The following SGCZ variants were observed in gnomAD, a reference collection of about 807,000 sequenced individuals.
SGCZ encodes zeta-sarcoglycan.
A neutral mutation model predicts 41.3 loss-of-function variants in SGCZ; 40 were observed. The ratio of observed to expected loss-of-function variants is 0.97; its 90% confidence interval spans 0.75 to 1.26. The LOEUF (loss-of-function observed/expected upper bound fraction) is 1.26. Among genes scored for constraint, SGCZ ranks in the 50% most tolerant of loss-of-function variants. The probability of loss-of-function intolerance (pLI) is 0.00; values close to 1 mark genes in which losing one functional copy is unlikely to be tolerated. For missense variants in SGCZ, 552 were observed against 369.8 expected (o/e 1.49, Z -4.04); for synonymous variants, 206 against 137.5 (o/e 1.50, Z -3.49).
chr8:14,127,162 TAA>T (rs1318286169), intron 5 of SGCZ, among the ~76,000 whole-genome samples: 1 of 150,324 alleles, frequency 6.7e-6, no homozygotes, highest in Non-Finnish European at 1.5e-5. Flanking sequence ...TAAAGTAAGA[TAA>T]AATTAAAATA....
At chr8:14,467,422 G>A (rs1392870667) in intron 2 of SGCZ, among the ~76,000 whole-genome samples, 2 of 151,944 alleles carry the variant, frequency 1.3e-5, no homozygotes, top group Non-Finnish European at 2.9e-5. Flanking sequence ...TCACCAATCT[G>A]AGCACAAATC....
intron 1 of SGCZ, among the ~76,000 whole-genome samples, chr8:15,005,072 G>T (rs1802556556): frequency 6.6e-6 from 1 of 152,120 alleles, no homozygotes; most frequent in Non-Finnish European, 1.5e-5. Flanking sequence ...CACACGGTGC[G>T]CTAGATGGCA....
intron 1 of SGCZ, among the ~76,000 whole-genome samples, chr8:15,041,210 G>A (rs1026700437): frequency 2.0e-5 from 3 of 151,028 alleles, no homozygotes; most frequent in South Asian, 2.1e-4. Flanking sequence ...ATGATCTGGC[G>A]CCATAAGAAA....
At chr8:14,689,162 G>A (rs1040476654) in intron 1 of SGCZ, among the ~76,000 whole-genome samples, 1 of 151,932 alleles carries the variant, frequency 6.6e-6, no homozygotes, top group Admixed American at 6.6e-5. Flanking sequence ...GTAATTTTGA[G>A]ATGAATATCA....
At chr8:15,000,542 G>T (rs9693111) in intron 1 of SGCZ, among the ~76,000 whole-genome samples, 14 of 152,074 alleles carry the variant, frequency 9.2e-5, no homozygotes, top group Non-Finnish European at 1.8e-4. Context: ...AGCTTGCATG[G>T]GTGAGTGCCC....
chr8:14,784,913 A>AAAAAAAAAAAAAAAAAATAT (rs1408574493), intron 1 of SGCZ, among the ~76,000 whole-genome samples: 3 of 88,034 alleles, frequency 3.4e-5, no homozygotes, highest in African/African-American at 9.4e-5. Flanking sequence ...AAAAAAAAAA[A>AAAAAAAAAAAAAAAAAATAT]ATATATATAT....
chr8:15,010,750 G>A (rs1390042994), intron 1 of SGCZ, among the ~76,000 whole-genome samples: 2 of 152,146 alleles, frequency 1.3e-5, no homozygotes, highest in Admixed American at 6.5e-5. Context: ...TCTAGGTATG[G>A]TTAGAAAAGC....
intron 1 of SGCZ, among the ~76,000 whole-genome samples, chr8:14,881,422 A>C (rs1379990773): frequency 6.6e-6 from 1 of 152,152 alleles, no homozygotes; most frequent in Admixed American, 6.5e-5. Flanking sequence ...TCTAAGATAG[A>C]ATGTAATGAA....
intron 1 of SGCZ, among the ~76,000 whole-genome samples, chr8:14,596,639 T>C (rs1186715862): frequency 6.6e-6 from 1 of 152,050 alleles, no homozygotes; most frequent in African/African-American, 2.4e-5. Flanking sequence ...GTTTAGAATA[T>C]CGTCCATGTG....
Position 14,554,773 on chromosome 8 carries a change from CTAAGT to C in SGCZ, c.188_192del (p.Asn63SerfsTer30). 6.2e-7 allele frequency: 1 copy of C among 1,612,924 alleles called. No homozygotes were observed. Among genetic ancestry groups the C allele is most frequent in the Non-Finnish European group, 8.5e-7 (1 of 1,179,396 alleles). On this transcript the variant is annotated frameshift_variant, in exon 2 of 8. Transcript: ENST00000382080. LOFTEE classifies it high-confidence loss of function. ...ACTTTCAATATCCATATTGTCATGG[CTAAGT>C]TAACTATCATGGTAACCAACAGCAG...
At chr8:14,470,074 G>A (rs1353156531) in intron 2 of SGCZ, among the ~76,000 whole-genome samples, 1 of 152,106 alleles carries the variant, frequency 6.6e-6, no homozygotes, top group Non-Finnish European at 1.5e-5. Flanking sequence ...CTGAAGCAGT[G>A]CAGTCTTGAA....
intron 1 of SGCZ, among the ~76,000 whole-genome samples, chr8:14,776,202 C>A (rs1800396236): frequency 6.6e-6 from 1 of 151,954 alleles, no homozygotes; most frequent in Non-Finnish European, 1.5e-5. Context: ...GTGTCTCCAC[C>A]CAAATCTTAC....
intron 1 of SGCZ, among the ~76,000 whole-genome samples, chr8:14,926,038 A>C (rs960185582): frequency 6.6e-6 from 1 of 152,208 alleles, no homozygotes; most frequent in Non-Finnish European, 1.5e-5. Flanking sequence ...AACTATGTGA[A>C]GAATGTAAAT....
chr8:14,688,981 A>C (rs1414427663), intron 1 of SGCZ, among the ~76,000 whole-genome samples: 1 of 152,178 alleles, frequency 6.6e-6, no homozygotes, highest in Non-Finnish European at 1.5e-5. Context: ...AGACAAACAG[A>C]GAGCCAAATC....
intron 1 of SGCZ, among the ~76,000 whole-genome samples, chr8:14,651,885 T>C (rs1181712538): frequency 6.6e-6 from 1 of 151,768 alleles, no homozygotes; most frequent in Non-Finnish European, 1.5e-5. Flanking sequence ...AAATTGAGAG[T>C]CAGCATATTG....
chr8:15,053,118 G>T (rs564114269), intron 1 of SGCZ, among the ~76,000 whole-genome samples: 2 of 152,174 alleles, frequency 1.3e-5, no homozygotes, highest in African/African-American at 4.8e-5. Context: ...TGTCTAGTTT[G>T]CAAAATTCCA....
rs571099767 is a variant in SGCZ at position 14,223,280 on chromosome 8, T to C, written c.424+14312A>G. ...ATATTTGGTGCACACTATTAAATTT[T>C]TCTCATATTTTTTCATTTAATGAGA... On this transcript the variant is annotated intron_variant, in intron 4 of 7. Coordinates refer to ENST00000382080, the MANE Select transcript of SGCZ (RefSeq NM_139167.4). Among the ~76,000 whole-genome samples the C allele has an allele frequency of 2.0e-4, 31 of 152,308 alleles. No individual in the cohort carries two copies. In the South Asian group the frequency reaches 6.4e-3, roughly 32 times the overall value.
At chr8:14,584,699 T>C (rs1264327974) in intron 1 of SGCZ, among the ~76,000 whole-genome samples, 1 of 151,990 alleles carries the variant, frequency 6.6e-6, no homozygotes, top group East Asian at 1.9e-4. Flanking sequence ...TCTAGAGTAG[T>C]ACCTAGAATA....
intron 2 of SGCZ, among the ~76,000 whole-genome samples, chr8:14,396,996 T>C (rs1470660471): frequency 6.6e-6 from 1 of 152,166 alleles, no homozygotes; most frequent in Non-Finnish European, 1.5e-5. Flanking sequence ...TGAAAATAAA[T>C]GTTCCTATAG....
Sources: gnomAD v4.1 joint callset for allele counts (sites outside exome capture counted in the v4.1 genomes callset) on GRCh38, gnomAD v4.1.1 for gene constraint, MANE v1.5 for transcripts, NCBI Gene and HGNC (gene_info 2026-07-23, HGNC 2026-07-21) for gene names.